SUCLG2: variants seen among roughly 807,000 people sequenced by gnomAD.
SUCLG2 encodes the protein succinate-CoA ligase GDP-forming subunit beta, also known as succinate--CoA ligase [GDP-forming] subunit beta, mitochondrial.
In SUCLG2, 42 loss-of-function variants were observed where a neutral mutation model predicts 47.9. The observed-to-expected ratio is 0.88, with a 90% CI of 0.69 to 1.14. The LOEUF is 1.14. Ranked by LOEUF, SUCLG2 falls within the 50% of genes most tolerant of loss-of-function variation. The pLI, the probability that SUCLG2 is intolerant of heterozygous loss-of-function variation, is 0.00. For missense variants in SUCLG2, 571 were observed against 525.9 expected (o/e 1.09, Z -0.84); for synonymous variants, 195 against 197.3 (o/e 0.99, Z 0.10).
At chr3:67,644,342 C>A (rs1295047866) in intron 1 of SUCLG2, among the ~76,000 whole-genome samples, 2 of 152,086 alleles carry the variant, frequency 1.3e-5, no homozygotes, top group African/African-American at 4.8e-5. Flanking sequence ...CACAGATGAA[C>A]TTTGAAGACA....
At chr3:67,578,004 G>A (rs1313714053) in intron 2 of SUCLG2, among the ~76,000 whole-genome samples, 4 of 152,000 alleles carry the variant, frequency 2.6e-5, no homozygotes, top group African/African-American at 9.7e-5. Context: ...GTGAGAGCAG[G>A]TGAAGTAAGG....
intron 9 of SUCLG2, among the ~76,000 whole-genome samples, chr3:67,452,836 A>G (rs1704087817): frequency 6.6e-6 from 1 of 152,246 alleles, no homozygotes; most frequent in Non-Finnish European, 1.5e-5. Flanking sequence ...AGCTTTGTTT[A>G]CAAGTCATGA....
intron 9 of SUCLG2, among the ~76,000 whole-genome samples, chr3:67,405,379 T>C (rs4132748): frequency 0.72 from 109,950 of 151,702 alleles, 40,391 homozygotes; most frequent in Admixed American, 0.82. Flanking sequence ...AAGCTTCTTT[T>C]GACATCATCC....
chr3:67,528,509 C>T (rs9831836), intron 3 of SUCLG2, among the ~76,000 whole-genome samples: 60 of 152,170 alleles, frequency 3.9e-4, no homozygotes, highest in African/African-American at 1.3e-3. Context: ...GAAATGCACA[C>T]CAGATTCAGA....
chr3:67,443,221 T>G (rs1161332379), intron 9 of SUCLG2, among the ~76,000 whole-genome samples: 1 of 152,192 alleles, frequency 6.6e-6, no homozygotes, highest in Non-Finnish European at 1.5e-5. Flanking sequence ...CTGATTTTGG[T>G]ATCTGCAAGG....
intron 2 of SUCLG2, among the ~76,000 whole-genome samples, chr3:67,592,718 CA>C (rs754866312): frequency 3.7e-5 from 3 of 80,254 alleles, no homozygotes; most frequent in African/African-American, 1.8e-4. Flanking sequence ...TCACATCCTC[CA>C]AAAAAAAAAA....
chr3:67,408,510 G>C (rs899076411), intron 9 of SUCLG2: 1 of 613,624 alleles, frequency 1.6e-6, no homozygotes, highest in Non-Finnish European at 2.0e-6. Flanking sequence ...GCATGGAAAC[G>C]ACATCTTATG....
chr3:67,434,917 C>T (rs1004486419), intron 9 of SUCLG2, among the ~76,000 whole-genome samples: 2 of 152,178 alleles, frequency 1.3e-5, no homozygotes, highest in African/African-American at 2.4e-5. Flanking sequence ...ATTCTTTCTA[C>T]GTCTCAACTG....
chr3:67,401,671 G>A (rs995970573), intron 9 of SUCLG2, among the ~76,000 whole-genome samples: 2 of 150,890 alleles, frequency 1.3e-5, no homozygotes, highest in African/African-American at 2.4e-5. Context: ...ATAATGAAGA[G>A]AATTCATTAC....
At chr3:67,577,207 C>T (rs1005776862) in intron 2 of SUCLG2, among the ~76,000 whole-genome samples, 1 of 152,082 alleles carries the variant, frequency 6.6e-6, no homozygotes, top group African/African-American at 2.4e-5. Context: ...AGTCGGGAGG[C>T]TGAGGCAGGA....
At chr3:67,405,382 C>T (rs892212767) in intron 9 of SUCLG2, among the ~76,000 whole-genome samples, 7 of 152,226 alleles carry the variant, frequency 4.6e-5, no homozygotes, top group African/African-American at 1.7e-4. Flanking sequence ...CTTCTTTTGA[C>T]ATCATCCCCA....
chr3:67,561,265 G>T (rs59446050), intron 2 of SUCLG2, among the ~76,000 whole-genome samples: 1,595 of 151,788 alleles, frequency 0.011, 20 homozygotes, highest in East Asian at 0.051. Flanking sequence ...TTGTAGTAAA[G>T]GGTTAATGAA....
Position 67,613,297 on chromosome 3 carries a change from T to C in SUCLG2, c.85-3701A>G, listed in dbSNP as rs569910868. Among the ~76,000 whole-genome samples, 57 of 152,250 alleles carry C rather than the reference T, an allele frequency of 3.7e-4. 1 individual carries two copies. The highest frequency in any genetic ancestry group is 3.7e-3 in the South Asian group (18 of 4,810). ...CCTAGTGGACTCCAACCACTAGTCA[T>C]CTCATTAGGGTAGAAAAGACACTCA... On this transcript the variant is annotated intron_variant, in intron 1 of 10. Coordinates refer to ENST00000307227, the MANE Select transcript of SUCLG2 (RefSeq NM_003848.4).
In SUCLG2 at chr3:67,505,502, C is replaced by T. The variant is rs866728270; in HGVS notation, c.757+3305G>A. Among the ~76,000 whole-genome samples the T allele has an allele frequency of 4.6e-5, 7 of 152,108 alleles. No individual in the cohort carries two copies. The South Asian group carries it at 6.2e-4, about 14-fold the overall frequency. ...AGCTCTTGGACTGCAGTTCTTTCTCCGTGTCAAAAATTCCCTATGGGTGAC... is the reference window on the plus strand; with the variant it reads ...AGCTCTTGGACTGCAGTTCTTTCTCTGTGTCAAAAATTCCCTATGGGTGAC... On this transcript the variant is annotated intron_variant, in intron 7 of 10. Coordinates refer to ENST00000307227, the MANE Select transcript of SUCLG2 (RefSeq NM_003848.4).
intron 9 of SUCLG2, among the ~76,000 whole-genome samples, chr3:67,475,389 G>A (rs1704723426): frequency 6.6e-6 from 1 of 152,190 alleles, no homozygotes; most frequent in African/African-American, 2.4e-5. Flanking sequence ...AAGCTGTGCT[G>A]GTTGGAAGTT....
intron 7 of SUCLG2, among the ~76,000 whole-genome samples, chr3:67,500,356 CT>C (rs1705463130): frequency 6.6e-6 from 1 of 152,118 alleles, no homozygotes; most frequent in South Asian, 2.1e-4. Context: ...TCTAAGAATA[CT>C]TGTTATAAGT....
chr3:67,527,665 AC>A (rs1706290883), intron 4 of SUCLG2, among the ~76,000 whole-genome samples: 1 of 152,082 alleles, frequency 6.6e-6, no homozygotes, highest in South Asian at 2.1e-4. Context: ...AATGCAATAT[AC>A]CCCCAGCAAT....
At chr3:67,427,979 G>C (rs1559522221) in intron 9 of SUCLG2, among the ~76,000 whole-genome samples, 1 of 152,190 alleles carries the variant, frequency 6.6e-6, no homozygotes, top group Non-Finnish European at 1.5e-5. Context: ...CTTGAACTGG[G>C]TGGAGCCCAC....
At chr3:67,402,275 A>G (rs1304851517) in intron 9 of SUCLG2, among the ~76,000 whole-genome samples, 1 of 152,070 alleles carries the variant, frequency 6.6e-6, no homozygotes, top group Non-Finnish European at 1.5e-5. Context: ...GGGTATTTAC[A>G]CTTGCATTTA....
Sources: gnomAD v4.1 joint callset for allele counts (sites outside exome capture counted in the v4.1 genomes callset) on GRCh38, gnomAD v4.1.1 for gene constraint, MANE v1.5 for transcripts, NCBI Gene and HGNC (gene_info 2026-07-23, HGNC 2026-07-21) for gene names.